Variants in CCDC60 observed in about 807,000 individuals in gnomAD.
CCDC60 encodes coiled-coil domain-containing protein 60.
A neutral mutation model predicts 63.5 loss-of-function variants in CCDC60; 54 were observed. The ratio of observed to expected loss-of-function variants is 0.85; its 90% CI spans 0.68 to 1.07. CCDC60 has a LOEUF of 1.07. Ranked by LOEUF, CCDC60 falls within the 50% of genes least tolerant of loss-of-function variation. CCDC60 has a pLI of 0.00. For synonymous variants in CCDC60, 206 were observed against 238.8 expected (o/e 0.86, Z 1.27); for missense variants, 651 against 684.3 (o/e 0.95, Z 0.54).
chr12:119,423,776 C>A (rs1956855270), intron 1 of CCDC60, among the ~76,000 whole-genome samples: 1 of 152,166 alleles, frequency 6.6e-6, no homozygotes, highest in Non-Finnish European at 1.5e-5. Context: ...GTAACCACTC[C>A]CCTGTATTAA....
chr12:119,453,792 G>T (rs931220485), intron 2 of CCDC60, among the ~76,000 whole-genome samples: 4 of 152,020 alleles, frequency 2.6e-5, no homozygotes, highest in Admixed American at 2.0e-4. Flanking sequence ...TGAGAAAGAG[G>T]AGAGGGAAGG....
chr12:119,352,958 T>A (rs575252016), intron 1 of CCDC60, among the ~76,000 whole-genome samples: 2 of 151,124 alleles, frequency 1.3e-5, no homozygotes, highest in East Asian at 1.9e-4. Context: ...AAATTAAAAT[T>A]AAAAAAAAAT....
intron 1 of CCDC60, among the ~76,000 whole-genome samples, chr12:119,387,801 A>T (rs1956086565): frequency 6.6e-6 from 1 of 152,178 alleles, no homozygotes; most frequent in African/African-American, 2.4e-5. Flanking sequence ...ACTGAATCAC[A>T]GTTTATTTCC....
At chr12:119,346,873 G>A (rs1955603305) in intron 1 of CCDC60, among the ~76,000 whole-genome samples, 1 of 148,410 alleles carries the variant, frequency 6.7e-6, no homozygotes, top group South Asian at 2.1e-4. Flanking sequence ...CACCGAGGCT[G>A]GAGAGCAATG....
intron 2 of CCDC60, among the ~76,000 whole-genome samples, chr12:119,467,961 C>T (rs529099484): frequency 2.0e-4 from 31 of 152,216 alleles, no homozygotes; most frequent in Middle Eastern, 3.4e-3. Context: ...ATTCACTGCT[C>T]ACATTCCTAA....
At chr12:119,350,124 G>A (rs556749600) in intron 1 of CCDC60, among the ~76,000 whole-genome samples, 1 of 152,244 alleles carries the variant, frequency 6.6e-6, no homozygotes, top group African/African-American at 2.4e-5. Flanking sequence ...GATGTGGGGT[G>A]TGCCCCTATC....
chr12:119,469,507 G>T (rs534256660), intron 2 of CCDC60, among the ~76,000 whole-genome samples: 2 of 151,984 alleles, frequency 1.3e-5, no homozygotes, highest in East Asian at 3.9e-4. Context: ...TGATCCACCC[G>T]CCCCGGCCTC....
chr12:119,393,486 C>T (rs1379805497), intron 1 of CCDC60, among the ~76,000 whole-genome samples: 8 of 152,208 alleles, frequency 5.3e-5, no homozygotes, highest in South Asian at 4.1e-4. Context: ...TCTCCACCTA[C>T]GCCCTAGGCT....
intron 2 of CCDC60, among the ~76,000 whole-genome samples, chr12:119,464,300 A>AGACATAATACATTGGAT: frequency 1.9e-5 from 1 of 53,648 alleles, no homozygotes; most frequent in Middle Eastern, 0.012. Context: ...TGCAAGAGCA[A>AGACATAATACATTGGAT]CCCCCCCCCC....
chr12:119,467,974 T>C (rs1950983697), intron 2 of CCDC60, among the ~76,000 whole-genome samples: 1 of 152,072 alleles, frequency 6.6e-6, no homozygotes, highest in African/African-American at 2.4e-5. Context: ...ATTCCTAAAC[T>C]TAAATATAAA....
At chr12:119,484,491 G>A (rs908910158) in intron 4 of CCDC60, among the ~76,000 whole-genome samples, 12 of 152,058 alleles carry the variant, frequency 7.9e-5, no homozygotes, top group South Asian at 2.1e-4. Flanking sequence ...TGAGGCAGGC[G>A]GATCGCTTGA....
At chr12:119,350,483 T>G (rs902150666) in intron 1 of CCDC60, among the ~76,000 whole-genome samples, 1 of 152,276 alleles carries the variant, frequency 6.6e-6, no homozygotes, top group South Asian at 2.1e-4. Flanking sequence ...TCTGCCTGCC[T>G]CGGCCTCCCA....
chr12:119,532,782 GTA>G (rs1952892140), intron 13 of CCDC60, among the ~76,000 whole-genome samples: 1 of 152,116 alleles, frequency 6.6e-6, no homozygotes, highest in Admixed American at 6.5e-5. Context: ...ATTCTATGGT[GTA>G]TATGTGCAAC....
intron 7 of CCDC60, 54 bp downstream of exon 7, chr12:119,505,357 A>G: frequency 2.4e-6 from 3 of 1,255,374 alleles, no homozygotes; most frequent in East Asian, 2.3e-5. Context: ...CCTTTAAGCC[A>G]GACATCAAGA....
intron 3 of CCDC60, among the ~76,000 whole-genome samples, chr12:119,474,821 A>G (rs1803082565): frequency 6.6e-6 from 1 of 152,188 alleles, no homozygotes; most frequent in African/African-American, 2.4e-5. Flanking sequence ...AGCTTGGGCA[A>G]CATAGAGAGA....
intron 6 of CCDC60, among the ~76,000 whole-genome samples, chr12:119,503,085 G>A (rs747079986): frequency 8.5e-5 from 13 of 152,136 alleles, no homozygotes; most frequent in Non-Finnish European, 1.8e-4. Flanking sequence ...GCCGAGGCAG[G>A]AGAATAGCTC....
intron 1 of CCDC60, 42 bp from the exon 2 acceptor site, chr12:119,428,641 T>A (rs1034242280): frequency 1.5e-6 from 2 of 1,343,258 alleles, no homozygotes; most frequent in African/African-American, 2.9e-5. Flanking sequence ...GGAAGCATTG[T>A]ATTAACACTC....
chr12:119,487,884 C>A (rs1296352968), intron 4 of CCDC60, among the ~76,000 whole-genome samples: 1 of 152,158 alleles, frequency 6.6e-6, no homozygotes, highest in Non-Finnish European at 1.5e-5. Flanking sequence ...CTCTGTCACC[C>A]AGACTGGCAT....
chr12:119,528,573 G>A, intron 11 of CCDC60, 42 bp from the exon 12 acceptor site: 1 of 1,592,056 alleles, frequency 6.3e-7, no homozygotes, highest in Non-Finnish European at 8.6e-7. Context: ...TACAGGAGGA[G>A]GGGATCTCAT....
Sources: gnomAD v4.1 joint callset for allele counts (sites outside exome capture counted in the v4.1 genomes callset) on GRCh38, gnomAD v4.1.1 for gene constraint, MANE v1.5 for transcripts, NCBI Gene and HGNC (gene_info 2026-07-23, HGNC 2026-07-21) for gene names.